Variants in NRG1 observed in about 807,000 individuals in gnomAD.
The protein encoded by NRG1 is pro-neuregulin-1, membrane-bound isoform.
Under a neutral mutation model 63.8 loss-of-function variants are expected in NRG1, and 18 were observed. That is an observed-to-expected ratio of 0.28 (90% CI 0.19 to 0.42). The LOEUF is 0.42. Ranked by LOEUF, NRG1 falls within the 10% of genes least tolerant of loss-of-function variation. NRG1 has a pLI of 1.00. For missense variants in NRG1, 762 were observed against 814.7 expected, an observed-to-expected ratio of 0.94 and a Z score of 0.79; for synonymous variants, 302 against 301.3, an observed-to-expected ratio of 1.00 and a Z score of -0.02.
At chr8:31,868,869 A>G (rs1361394238) in intron 1 of NRG1, among the ~76,000 whole-genome samples, 2 of 152,190 alleles carry the variant, frequency 1.3e-5, no homozygotes, top group Non-Finnish European at 2.9e-5. Flanking sequence ...CGTCTATATG[A>G]TTCCATGGTC....
intron 1 of NRG1, among the ~76,000 whole-genome samples, chr8:32,264,933 A>G (rs933157976): frequency 3.3e-5 from 5 of 152,178 alleles, no homozygotes; most frequent in African/African-American, 1.2e-4. Flanking sequence ...GAAATACAGG[A>G]TGAAAGAATT....
intron 1 of NRG1, among the ~76,000 whole-genome samples, chr8:31,749,198 C>G (rs1816197215): frequency 6.6e-6 from 1 of 151,484 alleles, no homozygotes; most frequent in Non-Finnish European, 1.5e-5. Flanking sequence ...ACATATAAAA[C>G]AAGGAAAGAA....
intron 5 of NRG1, among the ~76,000 whole-genome samples, chr8:32,669,573 G>A (rs1019566516): frequency 8.5e-5 from 13 of 152,154 alleles, no homozygotes; most frequent in East Asian, 1.9e-4. Context: ...GGAGCCTGGC[G>A]TTTGGAGTTC....
chr8:31,726,626 T>G (rs976808275), intron 1 of NRG1, among the ~76,000 whole-genome samples: 13 of 151,818 alleles, frequency 8.6e-5, no homozygotes, highest in Non-Finnish European at 1.5e-4. Flanking sequence ...TATTGGGGAG[T>G]GCTAGAAGTA....
chr8:32,764,475 CAATT>C, exon 12 of NRG1: 1 of 1,250,842 alleles, frequency 8.0e-7, no homozygotes, highest in Non-Finnish European at 1.1e-6. Flanking sequence ...TTAAATTAAA[CAATT>C]TATTTTATTT....
intron 1 of NRG1, among the ~76,000 whole-genome samples, chr8:32,167,869 C>T (rs1187312899): frequency 6.6e-6 from 1 of 152,214 alleles, no homozygotes; most frequent in Admixed American, 6.5e-5. Context: ...GAGCCTCCAC[C>T]TTGCTCTTTT....
chr8:32,754,849 A>G (rs924508022), intron 8 of NRG1, among the ~76,000 whole-genome samples: 5 of 152,086 alleles, frequency 3.3e-5, no homozygotes, highest in Admixed American at 3.3e-4. Context: ...GTTATCCCCA[A>G]AAGAAACTAA....
intron 10 of NRG1, 39 bp from the exon 11 acceptor site, chr8:32,760,161 G>C: frequency 6.2e-7 from 1 of 1,607,190 alleles, no homozygotes; most frequent in Non-Finnish European, 8.5e-7. Context: ...TATAATTTTT[G>C]CACGAAATAT....
At chr8:32,110,905 C>T (rs111766899) in intron 1 of NRG1, among the ~76,000 whole-genome samples, 133 of 152,224 alleles carry the variant, frequency 8.7e-4, no homozygotes, top group Middle Eastern at 3.4e-3. Context: ...TCTGGAGATT[C>T]GGATTCTTAC....
Position 32,379,132 on chromosome 8 carries a change from G to A in NRG1, c.38-216696G>A, listed in dbSNP as rs377569096. ...TATTTGCCATCTCCTGGGTCAAAAA[G>A]CCAATGGAAAGCTCAATGAAATCTC... is the stretch of plus-strand genomic sequence containing the variant. On this transcript the variant is annotated intron_variant, in intron 1 of 10. Transcript: ENST00000519301. 1.1e-4 allele frequency among the ~76,000 whole-genome samples: 16 copies of A among 151,646 alleles called. 1 individual carries two copies. The highest frequency in any genetic ancestry group is 3.9e-4 in the African/African-American group (16 of 41,258).
chr8:31,677,862 A>G (rs1395933172), intron 1 of NRG1, among the ~76,000 whole-genome samples: 1 of 152,090 alleles, frequency 6.6e-6, no homozygotes, highest in Non-Finnish European at 1.5e-5. Flanking sequence ...TGAATTTAGC[A>G]TATTTAGACT....
chr8:31,677,754 T>A (rs2131038480), intron 1 of NRG1, among the ~76,000 whole-genome samples: 1 of 152,322 alleles, frequency 6.6e-6, no homozygotes, highest in South Asian at 2.1e-4. Context: ...TGTCCTCAAA[T>A]CCACTAGAAC....
At chr8:32,314,143 G>A (rs1190864126) in intron 1 of NRG1, among the ~76,000 whole-genome samples, 1 of 151,444 alleles carries the variant, frequency 6.6e-6, no homozygotes, top group East Asian at 1.9e-4. Flanking sequence ...TTCATCACAT[G>A]CTTAGTCTTT....
chr8:32,770,319 T>C (rs978986999), downstream of NRG1, among the ~76,000 whole-genome samples: 4 of 152,164 alleles, frequency 2.6e-5, no homozygotes, highest in African/African-American at 9.7e-5. Context: ...TGAGGAAAAT[T>C]TAGGCTCAGG....
chr8:32,280,031 T>C (rs1852531944), intron 1 of NRG1, among the ~76,000 whole-genome samples: 1 of 152,250 alleles, frequency 6.6e-6, no homozygotes, highest in Admixed American at 6.5e-5. Flanking sequence ...GTCAATATCA[T>C]CAGTCATTAC....
intron 1 of NRG1, among the ~76,000 whole-genome samples, chr8:32,022,696 A>C (rs1816642338): frequency 6.6e-6 from 1 of 152,196 alleles, no homozygotes; most frequent in African/African-American, 2.4e-5. Flanking sequence ...GTTTAATGTT[A>C]GTCCTTAGAT....
intron 1 of NRG1, among the ~76,000 whole-genome samples, chr8:32,346,216 T>C (rs947762249): frequency 2.0e-5 from 3 of 147,686 alleles, no homozygotes; most frequent in Non-Finnish European, 4.5e-5. Flanking sequence ...TGAATAGATA[T>C]ATAGATGGAT....
intron 1 of NRG1, among the ~76,000 whole-genome samples, chr8:32,500,501 A>G (rs1469250953): frequency 6.6e-6 from 1 of 152,228 alleles, no homozygotes; most frequent in Non-Finnish European, 1.5e-5. Context: ...CTATTGGGTT[A>G]TATGTGATTC....
At chr8:32,307,368 C>T (rs376276949) in intron 1 of NRG1, among the ~76,000 whole-genome samples, 50 of 152,130 alleles carry the variant, frequency 3.3e-4, no homozygotes, top group South Asian at 8.3e-4. Flanking sequence ...ACAGTCAGAA[C>T]GTGCAAGTTA....
Sources: allele counts gnomAD v4.1 joint callset (sites outside exome capture counted in the v4.1 genomes callset), GRCh38; gene constraint gnomAD v4.1.1; transcripts MANE v1.5; gene names NCBI Gene and HGNC (gene_info 2026-07-23, HGNC 2026-07-21).